IMPG2: variants seen among roughly 807,000 people sequenced by gnomAD.
IMPG2 encodes the protein interphotoreceptor matrix proteoglycan 2.
In IMPG2, 91 loss-of-function variants were observed where a neutral mutation model predicts 129.2. The ratio of observed to expected loss-of-function variants is 0.70; its 90% CI spans 0.59 to 0.84. IMPG2 has a LOEUF of 0.84. Ranked by LOEUF, IMPG2 falls within the 40% of genes least tolerant of loss-of-function variation. IMPG2 has a pLI of 0.00. For missense variants in IMPG2, 1,430 were observed against 1,461.7 expected (o/e 0.98, Z 0.35); for synonymous variants, 510 against 517.7 (o/e 0.99, Z 0.20).
At chr3:101,312,507 A>T (rs559017774) in intron 2 of IMPG2, among the ~76,000 whole-genome samples, 101 of 150,134 alleles carry the variant, frequency 6.7e-4, no homozygotes, top group Admixed American at 1.8e-3. Context: ...TACTTTTTTT[A>T]AAAAAAAGGA....
chr3:101,306,877 AC>A (rs1246640030), intron 2 of IMPG2, among the ~76,000 whole-genome samples: 1 of 152,216 alleles, frequency 6.6e-6, no homozygotes, highest in African/African-American at 2.4e-5. Flanking sequence ...AAAGAAAAAA[AC>A]AATAAATTAG....
chr3:101,285,628 T>C (rs72932493), intron 4 of IMPG2, among the ~76,000 whole-genome samples: 5,803 of 152,208 alleles, frequency 0.038, 394 homozygotes, highest in African/African-American at 0.13. Flanking sequence ...AACTGATGGT[T>C]TGAGAAACAT....
intron 4 of IMPG2, among the ~76,000 whole-genome samples, chr3:101,290,189 C>T (rs1387045977): frequency 6.6e-6 from 1 of 152,062 alleles, no homozygotes. Flanking sequence ...AATCTCTGAG[C>T]TCTGCCTCTC....
At chr3:101,268,135 T>C (rs114137525) in intron 8 of IMPG2, among the ~76,000 whole-genome samples, 5,826 of 152,320 alleles carry the variant, frequency 0.038, 165 homozygotes, top group Middle Eastern at 0.092. Context: ...AATAAGTTGC[T>C]GATGGCATTT....
At chr3:101,292,312 C>T (rs1354486026) in intron 3 of IMPG2, among the ~76,000 whole-genome samples, 1 of 152,174 alleles carries the variant, frequency 6.6e-6, no homozygotes, top group Admixed American at 6.5e-5. Flanking sequence ...TGATATATTA[C>T]AGGTTTGGTT....
At chr3:101,235,761 A>T (rs896265774) in intron 14 of IMPG2, among the ~76,000 whole-genome samples, 26 of 152,170 alleles carry the variant, frequency 1.7e-4, no homozygotes, top group African/African-American at 5.6e-4. Context: ...AGGATGGGAG[A>T]CAGGGATCTA....
intron 2 of IMPG2, among the ~76,000 whole-genome samples, chr3:101,308,893 C>A (rs1707232969): frequency 6.6e-6 from 1 of 152,174 alleles, no homozygotes; most frequent in African/African-American, 2.4e-5. Flanking sequence ...TTTAACAGCA[C>A]CCAAGTCACC....
intron 3 of IMPG2, among the ~76,000 whole-genome samples, chr3:101,295,014 T>TA (rs1489048516): frequency 2.0e-5 from 3 of 152,236 alleles, no homozygotes; most frequent in African/African-American, 7.2e-5. Flanking sequence ...CAAAATTTTC[T>TA]CCCATTCTGT....
Position 101,226,891 on chromosome 3 carries a change from G to T in IMPG2, c.*78C>A. ...TTCTTCCAACAGTGTTTAAAATCCA[G>T]GTTAATTATATGACATAAGTAACAA... On this transcript the variant is annotated 3_prime_UTR_variant, in exon 19 of 19. Coordinates refer to ENST00000193391, the MANE Select transcript of IMPG2 (RefSeq NM_016247.4). The T allele has an allele frequency of 7.0e-7, 1 of 1,423,922 alleles. No individual in the cohort carries two copies. The highest frequency in any genetic ancestry group is 1.2e-5 in the South Asian group (1 of 85,180). 88.2% of individuals were successfully genotyped at this position (1,423,922 alleles called of 1,614,324 possible).
intron 10 of IMPG2, among the ~76,000 whole-genome samples, chr3:101,256,213 G>GAA (rs1293973851): frequency 4.5e-4 from 63 of 140,858 alleles, no homozygotes; most frequent in Non-Finnish European, 8.5e-4. Context: ...AAGAAAGAAA[G>GAA]AAAGAAAAAA....
chr3:101,291,446 C>G, intron 4 of IMPG2, 33 bp downstream of exon 4: 1 of 1,595,124 alleles, frequency 6.3e-7, no homozygotes, highest in Non-Finnish European at 8.6e-7. Context: ...TCTGTGTTGC[C>G]AAACATGAAT....
intron 2 of IMPG2, among the ~76,000 whole-genome samples, chr3:101,314,710 T>A: frequency 6.6e-6 from 1 of 152,118 alleles, no homozygotes; most frequent in East Asian, 1.9e-4. Flanking sequence ...AGAATCAGTA[T>A]AAATAAGATT....
In IMPG2 at chr3:101,244,173, C is replaced by A. The variant is rs1230071793; in HGVS notation, c.2158G>T (p.Ala720Ser). The change falls in exon 13 of 19, where the codon GCA becomes TCA. Residue 720 changes from alanine to serine, a missense_variant. By Grantham distance (99) the Ala-to-Ser change is moderately conservative. Coordinates refer to ENST00000193391, the MANE Select transcript of IMPG2 (RefSeq NM_016247.4). The part of the protein sequence containing the change: ...PGVDDYSVTK[A>S]PLILTSVAIS... ...GCTACAGATGTCAGTATAAGAGGTG[C>A]TTTGGTAACTGAGTAATCATCAACA... is the stretch of plus-strand genomic sequence containing the variant. The A allele has an allele frequency of 1.9e-6, 3 of 1,614,026 alleles. No individual in the cohort carries two copies. The highest frequency in any genetic ancestry group is 2.5e-6 in the Non-Finnish European group (3 of 1,180,008).
intron 2 of IMPG2, among the ~76,000 whole-genome samples, chr3:101,316,883 A>G (rs1008781131): frequency 6.6e-6 from 1 of 152,194 alleles, no homozygotes; most frequent in Non-Finnish European, 1.5e-5. Flanking sequence ...CTACCCAACA[A>G]TAAAAGCTAA....
Position 101,246,120 on chromosome 3 carries a change from A to G in IMPG2, c.1240-15T>C, listed in dbSNP as rs750823065. The G allele has an allele frequency of 6.2e-7, 1 of 1,612,240 alleles. No homozygotes were observed. The highest frequency in any genetic ancestry group is 8.5e-7 in the Non-Finnish European group (1 of 1,179,158). ...AAGGTATTATCCTGGGGGGAAAAAAAGGCTAAATCATATCATAGATAAAAG... is the reference window on the plus strand; with the variant it reads ...AAGGTATTATCCTGGGGGGAAAAAAGGGCTAAATCATATCATAGATAAAAG... On this transcript the variant is annotated splice_polypyrimidine_tract_variant and intron_variant, in intron 11 of 18. Transcript: ENST00000193391.
intron 2 of IMPG2, among the ~76,000 whole-genome samples, chr3:101,310,743 G>A (rs113279171): frequency 5.7e-4 from 87 of 151,994 alleles, no homozygotes; most frequent in Admixed American, 2.2e-3. Flanking sequence ...ATTGTGTGCC[G>A]AAGAAATGTA....
At chr3:101,234,851 A>G (rs1315055614) in intron 14 of IMPG2, among the ~76,000 whole-genome samples, 1 of 152,170 alleles carries the variant, frequency 6.6e-6, no homozygotes. Context: ...TCTTGAAATA[A>G]AGTACTTTAA....
At chr3:101,227,697 G>A (rs1706239884) in intron 18 of IMPG2, 1 of 431,060 alleles carries the variant, frequency 2.3e-6, no homozygotes, top group Admixed American at 2.5e-5. Context: ...TGCTCTGGCT[G>A]CATTCAGCAA....
chr3:101,229,322 T>G, intron 17 of IMPG2, 58 bp downstream of exon 17: 100 of 415,342 alleles, frequency 2.4e-4, no homozygotes, highest in Non-Finnish European at 3.8e-4. Context: ...CACCCCCTGC[T>G]CCCCCACACA....
Sources: allele counts gnomAD v4.1 joint callset (sites outside exome capture counted in the v4.1 genomes callset), GRCh38; gene constraint gnomAD v4.1.1; transcripts MANE v1.5; gene names NCBI Gene and HGNC (gene_info 2026-07-23, HGNC 2026-07-21).